The following KCNH2 variants were observed in gnomAD, a reference collection of about 807,000 sequenced individuals.
The protein encoded by KCNH2 is voltage-gated inwardly rectifying potassium channel KCNH2.
KCNH2 carries 35 observed loss-of-function variants against 95.9 expected under a neutral mutation model. The ratio of observed to expected loss-of-function variants is 0.37; its 90% CI spans 0.28 to 0.48. The LOEUF (loss-of-function observed/expected upper bound fraction) is 0.48, where lower values mean the gene tolerates loss of function less well. KCNH2 is among the 20% of genes least tolerant of loss of function. The probability of loss-of-function intolerance (pLI) is 0.99; values close to 1 mark genes in which losing one functional copy is unlikely to be tolerated. For missense variants in KCNH2, 1,274 were observed against 1,702.9 expected (o/e 0.75, Z 4.43); for synonymous variants, 786 against 754.7 (o/e 1.04, Z -0.68).
Position 150,958,122 on chromosome 7 carries a change from C to T in KCNH2, c.853G>A (p.Ala285Thr), listed in dbSNP as rs864622366. The change falls in exon 4 of 15, where the codon GCC becomes ACC. Residue 285 changes from alanine to threonine, a missense_variant. Around this residue, in one of 7 missense-constraint regions of KCNH2, gnomAD observed 392 missense variants for 429.9 expected, o/e 0.91. Coordinates refer to ENST00000262186, the MANE Select transcript of KCNH2 (RefSeq NM_000238.4). The part of the protein sequence containing the change: ...SCASVRRASS[A>T]DDIEAMRAGV... ...GCGCGCATGGCCTCGATGTCGTCGG[C>T]CGACGAGGCGCGGCGCACGCTGGCG... 6 of 1,301,170 alleles carry T rather than the reference C, an allele frequency of 4.6e-6. No homozygotes were observed. Among genetic ancestry groups the T allele is most frequent in the Non-Finnish European group, 4.9e-6 (5 of 1,029,274 alleles). The allele number at this position is 1,301,170 out of a possible 1,614,324, so 80.6% of individuals were successfully genotyped here.
chr7:150,947,964 C>T (rs968488074), intron 11 of KCNH2, 86 bp from the exon 12 acceptor site: 54 of 1,419,994 alleles, frequency 3.8e-5, no homozygotes, highest in Non-Finnish European at 4.9e-5. Context: ...GGAGCGAGCC[C>T]GAGAGAGGAC....
intron 2 of KCNH2, among the ~76,000 whole-genome samples, chr7:150,965,670 C>T (rs956003348): frequency 7.9e-5 from 12 of 152,168 alleles, no homozygotes; most frequent in African/African-American, 2.2e-4. Context: ...CCCACATGGA[C>T]GCTGCTCTTG....
At chr7:150,948,251 C>T (rs1194247236) in intron 11 of KCNH2, among the ~76,000 whole-genome samples, 193 bp downstream of exon 11, 1 of 152,164 alleles carries the variant, frequency 6.6e-6, no homozygotes, top group East Asian at 1.9e-4. Context: ...AGAGGGCTTC[C>T]TGGAGGAGGT....
rs371957566 is a variant in KCNH2 at position 150,949,085 on chromosome 7, G to C, written c.2399-36C>G. ...TGGAGAGGACAGGGAGCTCAGCCCC[G>C]GGGGGCGGCATCCAGGCAGCAGGCA... On this transcript the variant is annotated intron_variant, in intron 9 of 14. Coordinates refer to ENST00000262186, the MANE Select transcript of KCNH2 (RefSeq NM_000238.4). 7 of 1,582,658 alleles carry C rather than the reference G, an allele frequency of 4.4e-6. No homozygotes were observed. The African/African-American group carries it at 8.1e-5, about 18-fold the overall frequency.
At position 150,950,186 on chromosome 7, in the gene KCNH2, C is replaced by T. The variant is rs565006344; in HGVS notation, c.2380G>A (p.Val794Ile). 16 of 1,359,860 alleles carry T rather than the reference C, an allele frequency of 1.2e-5. No homozygotes were observed. In the East Asian group the frequency reaches 1.7e-4, roughly 15 times the overall value. The allele number at this position is 1,359,860 out of a possible 1,614,324, so 84.2% of individuals were successfully genotyped here. A position where few individuals can be genotyped will look rare whatever the true frequency, so the allele number is the denominator to read the frequency against. ...RGSIEILRGDVVVAILGKNDI... is the reference protein window; with the variant it reads ...RGSIEILRGDIVVAILGKNDI... ...CCCATACCCAGGATGGCCACGACGA[C>T]GTCGCCCCGCAGGATCTCGATGGAG... Residue 794 changes from valine to isoleucine, a missense_variant, in exon 9 of 15, where the codon GTC becomes ATC. Val to Ile is a conservative substitution (Grantham distance 29, BLOSUM62 3). This residue lies in a region of KCNH2 where 159 missense variants were observed against 282.5 expected (regional missense o/e 0.56). Coordinates refer to ENST00000262186, the MANE Select transcript of KCNH2 (RefSeq NM_000238.4).
intron 5 of KCNH2, chr7:150,955,958 C>T (rs1040423683): frequency 5.8e-6 from 3 of 515,994 alleles, no homozygotes; most frequent in Admixed American, 6.3e-5. Context: ...CAGCCTGAGC[C>T]CCTCCCCCTC....
rs1279936614 is a variant in KCNH2, at chr7:150,952,956, C to T, written c.1129-103G>A. 1.8e-5 allele frequency: 21 copies of T among 1,135,882 alleles called. 1 individual carries two copies. The East Asian group carries it at 2.0e-4, about 11-fold the overall frequency. 70.4% of individuals were successfully genotyped at this position (1,135,882 alleles called of 1,614,324 possible). On this transcript the variant is annotated intron_variant, in intron 5 of 14. Coordinates refer to ENST00000262186, the MANE Select transcript of KCNH2 (RefSeq NM_000238.4). This position sits in a 1 kb window ranked among gnomAD's most constrained non-coding sequence, Gnocchi z 7.3. Reference sequence around the variant, plus strand: ...GGGCCAAGCAGAATGAGGAGGAGGCCAAAAAAAGCTTCCATCAGAATGCCC... The same window carrying T: ...GGGCCAAGCAGAATGAGGAGGAGGCTAAAAAAAGCTTCCATCAGAATGCCC...
intron 1 of KCNH2, 33 bp from the exon 2 acceptor site, chr7:150,974,974 G>A: frequency 6.5e-7 from 1 of 1,537,680 alleles, no homozygotes; most frequent in East Asian, 2.4e-5. Flanking sequence ...GCGCGTGAGC[G>A]GGGACCCCAG....
rs200553620 is a variant in KCNH2 at position 150,952,896 on chromosome 7, G to C, written c.1129-43C>G. 137 of 1,585,826 alleles carry C rather than the reference G, an allele frequency of 8.6e-5. No individual in the cohort carries two copies. The highest frequency in any genetic ancestry group is 1.7e-4 in the Middle Eastern group (1 of 6,020). ...GGAGGTGTGGGTGAGGCAGGCCATG[G>C]GACCTCGGGGGCAGGAGCGATGACA... On this transcript the variant is annotated intron_variant, in intron 5 of 14. Transcript: ENST00000262186. This position sits in a 1 kb window ranked among gnomAD's most constrained non-coding sequence, Gnocchi z 7.3.
At chr7:150,973,065 G>A (rs539757107) in intron 2 of KCNH2, among the ~76,000 whole-genome samples, 51 of 152,330 alleles carry the variant, frequency 3.3e-4, no homozygotes, top group African/African-American at 1.2e-3. Context: ...CCAAAGCAAG[G>A]CACGTTATCC....
chr7:150,952,707 T>C lies in KCNH2; in HGVS notation c.1275A>G (p.Thr425=), dbSNP rs767891857. The C allele has an allele frequency of 3.1e-6, 5 of 1,613,440 alleles. No homozygotes were observed. In the South Asian group the frequency reaches 5.5e-5, roughly 18 times the overall value. ...TCAGCAGGAAGGCAGCCGAGTAGGGTGTGAAGACAGCCGTGTAGATGACCA... is the reference window on the plus strand; with the variant it reads ...TCAGCAGGAAGGCAGCCGAGTAGGGCGTGAAGACAGCCGTGTAGATGACCA... ...LLLVIYTAVF[T]PYSAAFLLKE... is the part of the protein sequence containing the mutation. The change falls in exon 6 of 15, where the codon ACA becomes ACG. Residue 425 remains threonine (T), a synonymous_variant. Coordinates refer to ENST00000262186, the MANE Select transcript of KCNH2 (RefSeq NM_000238.4). This position sits in a 1 kb window ranked among gnomAD's most constrained non-coding sequence, Gnocchi z 7.3.
intron 5 of KCNH2, among the ~76,000 whole-genome samples, chr7:150,956,117 C>T (rs945362590): frequency 2.6e-5 from 4 of 152,174 alleles, no homozygotes; most frequent in African/African-American, 9.7e-5. Context: ...CGCCTGCCGA[C>T]ACATACAGGC....
At chr7:150,951,944 C>T in intron 6 of KCNH2, 109 bp from the exon 7 acceptor site, 1 of 1,018,320 alleles carries the variant, frequency 9.8e-7, no homozygotes, top group South Asian at 1.6e-5. Flanking sequence ...TCCCCAAAGA[C>T]TTCCTAGACC....
rs1800893758 is a variant in KCNH2, at chr7:150,946,494, C to T, written c.3330+383G>A. Reference sequence around the variant, plus strand: ...CTCTGGTATGCAGCCTCCACCGCCACGTCTCGGGCTCAGTCAGTTCTTGGA... The same window carrying T: ...CTCTGGTATGCAGCCTCCACCGCCATGTCTCGGGCTCAGTCAGTTCTTGGA... On this transcript the variant is annotated intron_variant, in intron 14 of 14. Coordinates refer to ENST00000262186, the MANE Select transcript of KCNH2 (RefSeq NM_000238.4). The surrounding 1 kb of genome is among the most constrained non-coding windows in gnomAD (Gnocchi z 6.5). 6.6e-6 allele frequency among the ~76,000 whole-genome samples: 1 copy of T among 152,202 alleles called. No homozygotes were observed. Among genetic ancestry groups the T allele is most frequent in the South Asian group, 2.1e-4 (1 of 4,824 alleles).
rs1801933890 is a variant in KCNH2, at chr7:150,974,793, C to T, written c.225G>A (p.Gln75=). ...GCGCGATCTGCGCGGCAGCGCGGCG[C>T]TGCGTGCGCGGCCCGTGCAGGAAGT... is the stretch of plus-strand genomic sequence containing the variant. ...TCDFLHGPRT[Q]RRAAAQIAQA... Residue 75 remains glutamine, a synonymous_variant, in exon 2 of 15, where the codon CAG becomes CAA. Transcript: ENST00000262186. 11 of 1,605,068 alleles carry T rather than the reference C, an allele frequency of 6.9e-6. No homozygotes were observed. The highest frequency in any genetic ancestry group is 8.5e-6 in the Non-Finnish European group (10 of 1,176,108).
At position 150,950,328 on chromosome 7, in the gene KCNH2, G is replaced by C. The variant is rs765110115; in HGVS notation, c.2238C>G (p.Ala746=). ...CCAGGGCCCGAAGGCAGCCCTTGGT[G>C]GCCCCTCGGAAGGGTTTGCAGTGCT... ...LLQHCKPFRG[A]TKGCLRALAM... The change falls in exon 9 of 15, where the codon GCC becomes GCG. Residue 746 remains alanine (A), a synonymous_variant. Coordinates refer to ENST00000262186, the MANE Select transcript of KCNH2 (RefSeq NM_000238.4). The C allele has an allele frequency of 3.1e-5, 50 of 1,613,460 alleles. No individual in the cohort carries two copies. Among genetic ancestry groups the C allele is most frequent in the Non-Finnish European group, 3.9e-5 (46 of 1,179,944 alleles).
In KCNH2 at chr7:150,959,597, G is replaced by A. The variant is rs1004321690; in HGVS notation, c.447C>T (p.Gly149=). 6.2e-6 allele frequency: 10 copies of A among 1,613,982 alleles called. No homozygotes were observed. In the African/African-American group the frequency reaches 8.0e-5, roughly 13 times the overall value. The change falls in exon 3 of 15, where the codon GGC becomes GGT. Residue 149 remains glycine (G), a synonymous_variant. Transcript: ENST00000262186. ...CTGGGGCCAGCCAGCTGGTGGGGGG[G>A]CCCCGGTGGTTGGTGTCATGAGCCG... The part of the protein sequence containing the change: ...GSPAHDTNHR[G]PPTSWLAPGR...
intron 1 of KCNH2, 93 bp from the exon 2 acceptor site, chr7:150,975,034 C>T: frequency 1.8e-6 from 2 of 1,108,964 alleles, no homozygotes; most frequent in Non-Finnish European, 2.6e-6. Context: ...CACAGCCGCC[C>T]GGGGACTCCC....
Position 150,958,395 on chromosome 7 carries a change from C to T in KCNH2, c.580G>A (p.Val194Met), listed in dbSNP as rs1293129095. ...GAGGAGAPGA[V>M]VVDVDLTPAA... The stretch of plus-strand genomic sequence containing the variant: ...GGCGTCAGGTCCACGTCCACCACCA[C>T]GGCCCCCGGGGCGCCCGCGCCGCCC... Residue 194 changes from valine to methionine, a missense_variant, in exon 4 of 15, where the codon GTG becomes ATG. Coordinates refer to ENST00000262186, the MANE Select transcript of KCNH2 (RefSeq NM_000238.4). 1.8e-5 allele frequency: 27 copies of T among 1,463,784 alleles called. No homozygotes were observed. The highest frequency in any genetic ancestry group is 3.0e-5 in the East Asian group (1 of 33,308). The allele number at this position is 1,463,784 out of a possible 1,614,324, so 90.7% of individuals were successfully genotyped here.
Sources: allele counts gnomAD v4.1 joint callset (sites outside exome capture counted in the v4.1 genomes callset), GRCh38; gene constraint gnomAD v4.1.1; regional missense constraint gnomAD v4.1.1; non-coding constraint Gnocchi (gnomAD v3.1); transcripts MANE v1.5; gene names NCBI Gene and HGNC (gene_info 2026-07-23, HGNC 2026-07-21).